The following COBL variants were observed in gnomAD, a reference collection of about 807,000 sequenced individuals.
COBL encodes protein cordon-bleu.
A neutral mutation model predicts 98.8 loss-of-function variants in COBL; 51 were observed. That is an observed-to-expected ratio of 0.52 (90% CI 0.41 to 0.65). COBL has a LOEUF of 0.65. Among genes scored for constraint, COBL ranks in the 30% least tolerant of loss-of-function variants. The pLI, the probability that COBL is intolerant of heterozygous loss-of-function variation, is 0.00. For missense variants in COBL, 1,617 were observed against 1,617.5 expected, an observed-to-expected ratio of 1.00 and a Z score of 0.01; for synonymous variants, 634 against 651.7, an observed-to-expected ratio of 0.97 and a Z score of 0.41.
At chr7:51,294,271 AC>A (rs1334234008) in intron 1 of COBL, among the ~76,000 whole-genome samples, 1 of 151,120 alleles carries the variant, frequency 6.6e-6, no homozygotes, top group Non-Finnish European at 1.5e-5. Context: ...AGCCTGGGCA[AC>A]AGAGTGAGAC....
chr7:51,161,194 G>C (rs191244887), intron 5 of COBL, among the ~76,000 whole-genome samples: 2 of 152,080 alleles, frequency 1.3e-5, no homozygotes, highest in African/African-American at 2.4e-5. Context: ...GGGATTTGCT[G>C]TGTGTGTGAC....
At chr7:51,123,838 C>G (rs1797959110) in intron 6 of COBL, among the ~76,000 whole-genome samples, 1 of 152,136 alleles carries the variant, frequency 6.6e-6, no homozygotes, top group African/African-American at 2.4e-5. Flanking sequence ...CCTCCTCACC[C>G]ACATCACCCC....
At chr7:51,084,083 A>G (rs1349919337) in intron 7 of COBL, among the ~76,000 whole-genome samples, 1 of 152,124 alleles carries the variant, frequency 6.6e-6, no homozygotes, top group Non-Finnish European at 1.5e-5. Flanking sequence ...GGGAAAGAGG[A>G]TGAGCTGACA....
At chr7:51,060,683 C>T (rs1231566101) in intron 7 of COBL, among the ~76,000 whole-genome samples, 3 of 152,184 alleles carry the variant, frequency 2.0e-5, no homozygotes, top group Admixed American at 6.5e-5. Context: ...GACCCACTAG[C>T]AAAACGTTTT....
At position 51,217,949 on chromosome 7, in the gene COBL, G is replaced by A. The variant is rs543396770; in HGVS notation, c.245+1792C>T. ...AGTGGCTTCCGGTGGACCAGGCTTT[G>A]AGCCCAGGCACCTCCCACCTTGATC... On this transcript the variant is annotated intron_variant, in intron 2 of 12. Coordinates refer to ENST00000265136, the MANE Select transcript of COBL (RefSeq NM_015198.5). Among the ~76,000 whole-genome samples, 6 of 152,256 alleles carry A rather than the reference G, an allele frequency of 3.9e-5. No individual in the cohort carries two copies. The East Asian group carries it at 9.7e-4, about 25-fold the overall frequency.
chr7:51,070,820 C>A (rs1792467785), intron 7 of COBL: 1 of 152,094 alleles, frequency 6.6e-6, no homozygotes, highest in Admixed American at 6.5e-5. Context: ...AACGACTTTT[C>A]CAAATTGTTT....
At chr7:51,230,921 C>T (rs1403618273) in intron 1 of COBL, among the ~76,000 whole-genome samples, 1 of 152,214 alleles carries the variant, frequency 6.6e-6, no homozygotes, top group East Asian at 1.9e-4. Flanking sequence ...GAGGAAGTCA[C>T]ACAAGACTTG....
At position 51,148,774 on chromosome 7, in the gene COBL, G is replaced by A. The variant is rs1785276276; in HGVS notation, c.784-12443C>T. 2.6e-5 allele frequency among the ~76,000 whole-genome samples: 4 copies of A among 152,152 alleles called. No homozygotes were observed. The South Asian group carries it at 6.2e-4, about 24-fold the overall frequency. On this transcript the variant is annotated intron_variant, in intron 5 of 12. Transcript: ENST00000265136. The stretch of plus-strand genomic sequence containing the variant: ...AGCCAGGCCAAGGTGTGGGAAGGGA[G>A]GTGGGGTGCTGGCAGCGGGGGCTGT...
intron 6 of COBL, among the ~76,000 whole-genome samples, chr7:51,116,667 GTCTT>G (rs1349366276): frequency 6.6e-6 from 1 of 152,006 alleles, no homozygotes; most frequent in East Asian, 1.9e-4. Flanking sequence ...CACTCTTTAT[GTCTT>G]TCTAAGAGTC....
chr7:51,066,325 G>A (rs1791919925), intron 7 of COBL, among the ~76,000 whole-genome samples: 1 of 152,088 alleles, frequency 6.6e-6, no homozygotes, highest in Admixed American at 6.6e-5. Flanking sequence ...CAAACAGCAC[G>A]CACCACCTCC....
chr7:51,253,790 A>G (rs1243270685), intron 1 of COBL, among the ~76,000 whole-genome samples: 2 of 152,254 alleles, frequency 1.3e-5, no homozygotes, highest in Non-Finnish European at 2.9e-5. Flanking sequence ...ATATGTTCCA[A>G]TAAAGATATA....
Position 51,260,194 on chromosome 7 carries a change from T to C in COBL, c.42-40250A>G, listed in dbSNP as rs1338270391. On this transcript the variant is annotated intron_variant, in intron 1 of 12. Transcript: ENST00000265136. ...TTTCTAGAGTTGTAGCTACTGATCA[T>C]GCGTAACTCTACCACATGGGGAAGA... 7.0e-5 allele frequency: 53 copies of C among 752,028 alleles called. 1 individual carries two copies. The highest frequency in any genetic ancestry group is 1.3e-5 in the Non-Finnish European group (6 of 447,042). The allele number at this position is 752,028 out of a possible 1,614,324, so 46.6% of individuals were successfully genotyped here.
At chr7:51,125,592 A>C (rs1185117758) in intron 6 of COBL, among the ~76,000 whole-genome samples, 4 of 152,170 alleles carry the variant, frequency 2.6e-5, no homozygotes, top group Admixed American at 1.3e-4. Flanking sequence ...GAGCCGGGCA[A>C]TCACTCAGCC....
At chr7:51,150,628 A>G (rs1158115032) in intron 5 of COBL, among the ~76,000 whole-genome samples, 2 of 152,148 alleles carry the variant, frequency 1.3e-5, no homozygotes, top group Non-Finnish European at 2.9e-5. Context: ...AGAAACTATA[A>G]CTGACCTTCT....
rs1247177361 is a variant in COBL, at chr7:51,030,830, G to A, written c.1486C>T (p.Leu496Phe). ...TTCTTACCTTCCAGGTCTTCATCAA[G>A]TTCTGCAAGGGTTTTACGGAACTCT... ...AGEFRKTLAE[L>F]DEDLEEMEDS... The change falls in exon 9 of 13, where the codon CTT becomes TTT. Residue 496 changes from leucine to phenylalanine, a missense_variant. Physicochemically the swap from Leu to Phe is conservative, Grantham distance 22. Around this residue, in one of 3 missense-constraint regions of COBL, gnomAD observed 1,304 missense variants for 1,282.0 expected, o/e 1.02. Transcript: ENST00000265136. 7 of 1,611,618 alleles carry A rather than the reference G, an allele frequency of 4.3e-6. No homozygotes were observed. In the South Asian group the frequency reaches 5.5e-5, roughly 13 times the overall value.
At chr7:51,043,835 A>G (rs1290679548) in intron 7 of COBL, 143 bp from the exon 8 acceptor site, 1 of 647,022 alleles carries the variant, frequency 1.5e-6, no homozygotes, top group Non-Finnish European at 2.6e-6. Flanking sequence ...TCATTCAAAT[A>G]CTGCTGAATA....
chr7:51,280,822 C>T (rs1799757616), intron 1 of COBL, among the ~76,000 whole-genome samples: 1 of 152,194 alleles, frequency 6.6e-6, no homozygotes, highest in African/African-American at 2.4e-5. Context: ...CTGAAGAGCA[C>T]TGTACAGACT....
intron 1 of COBL, among the ~76,000 whole-genome samples, chr7:51,246,332 T>C (rs978482169): frequency 2.6e-5 from 4 of 152,182 alleles, no homozygotes; most frequent in Non-Finnish European, 5.9e-5. Context: ...CCTCTGTCCC[T>C]GACAGCTCAG....
At chr7:51,061,167 G>C (rs1310713247) in intron 7 of COBL, among the ~76,000 whole-genome samples, 1 of 152,080 alleles carries the variant, frequency 6.6e-6, no homozygotes, top group Non-Finnish European at 1.5e-5. Flanking sequence ...GATGTGACTA[G>C]TTTTAGAAAT....
Sources: allele counts gnomAD v4.1 joint callset (sites outside exome capture counted in the v4.1 genomes callset), GRCh38; gene constraint gnomAD v4.1.1; regional missense constraint gnomAD v4.1.1; transcripts MANE v1.5; gene names NCBI Gene and HGNC (gene_info 2026-07-23, HGNC 2026-07-21).